KHDRBS2: variants seen among roughly 807,000 people sequenced by gnomAD.
KHDRBS2 encodes KH RNA binding domain containing, signal transduction associated 2.
KHDRBS2 carries 26 observed loss-of-function variants against 44.3 expected under a neutral mutation model. The observed-to-expected ratio is 0.59, with a 90% CI of 0.43 to 0.81. The LOEUF (loss-of-function observed/expected upper bound fraction) is 0.81, where lower values mean the gene tolerates loss of function less well. Among genes scored for constraint, KHDRBS2 ranks in the 40% least tolerant of loss-of-function variants. The probability of loss-of-function intolerance (pLI) is 0.00; values close to 1 mark genes in which losing one functional copy is unlikely to be tolerated. For synonymous variants in KHDRBS2, 194 were observed against 151.1 expected (o/e 1.28, Z -2.08); for missense variants, 476 against 433.1 (o/e 1.10, Z -0.88).
chr6:61,790,407 TAA>T (rs60297993), intron 6 of KHDRBS2, among the ~76,000 whole-genome samples: 20,325 of 139,660 alleles, frequency 0.15, 1,896 homozygotes, highest in South Asian at 0.22. Context: ...ACTTGGGACT[TAA>T]AAAAAAAAAA....
rs181108812 is a variant in KHDRBS2, at chr6:62,039,163, T to C, written c.336+8715A>G. Among the ~76,000 whole-genome samples the C allele has an allele frequency of 2.0e-5, 3 of 151,952 alleles. No individual in the cohort carries two copies. The East Asian group carries it at 5.8e-4, about 29-fold the overall frequency. ...TGAGAAATTATACATGCTCTAGATTTGTTTGCTATACAACTATGGGTGTTT... is the reference window on the plus strand; with the variant it reads ...TGAGAAATTATACATGCTCTAGATTCGTTTGCTATACAACTATGGGTGTTT... On this transcript the variant is annotated intron_variant, in intron 3 of 8. Transcript: ENST00000281156.
At chr6:62,211,817 A>C (rs1829098214) in intron 1 of KHDRBS2, among the ~76,000 whole-genome samples, 1 of 152,184 alleles carries the variant, frequency 6.6e-6, no homozygotes, top group South Asian at 2.1e-4. Context: ...TATATACCCA[A>C]AGGAATATAA....
chr6:61,575,780 G>A, the KHDRBS2 span, among the ~76,000 whole-genome samples: 1 of 152,020 alleles, frequency 6.6e-6, no homozygotes, highest in Non-Finnish European at 1.5e-5. Context: ...GATATAAAAA[G>A]GAACAAAATA....
intron 2 of KHDRBS2, among the ~76,000 whole-genome samples, chr6:62,132,502 G>A (rs1313916396): frequency 1.3e-5 from 2 of 152,136 alleles, no homozygotes; most frequent in Non-Finnish European, 2.9e-5. Context: ...TGACTCAGAT[G>A]CAGCTGAAGT....
chr6:61,655,229 C>T, the KHDRBS2 span, among the ~76,000 whole-genome samples: 15 of 100,108 alleles, frequency 1.5e-4, no homozygotes, highest in Admixed American at 3.1e-4. Flanking sequence ...CATACATACA[C>T]ACACACACAC....
the KHDRBS2 span, among the ~76,000 whole-genome samples, chr6:61,594,697 C>T: frequency 6.6e-6 from 1 of 152,028 alleles, no homozygotes; most frequent in Non-Finnish European, 1.5e-5. Context: ...ACTTTTTGGA[C>T]AATGCTTCCC....
At position 61,848,494 on chromosome 6, in the gene KHDRBS2, T is replaced by TAC. The variant is rs1481436332; in HGVS notation, c.810+46140_810+46141insGT. Among the ~76,000 whole-genome samples, 329 of 50,462 alleles carry TAC rather than the reference T, an allele frequency of 6.5e-3. 22 individuals are homozygous for TAC. Among genetic ancestry groups the TAC allele is most frequent in the South Asian group, 0.012 (17 of 1,402 alleles). 33.1% of individuals were successfully genotyped at this position (50,462 alleles called of 152,430 possible). ...TTATATATATATATATATATATGTA[T>TAC]ATATATATATATATATGTATATATG... On this transcript the variant is annotated intron_variant, in intron 6 of 8. Transcript: ENST00000281156.
the KHDRBS2 span, among the ~76,000 whole-genome samples, chr6:61,655,333 C>T: frequency 5.9e-5 from 9 of 151,968 alleles, no homozygotes; most frequent in African/African-American, 1.9e-4. Context: ...TGGCTCCCTG[C>T]AACCTCCACC....
chr6:61,737,237 A>G (rs188501170), intron 6 of KHDRBS2, among the ~76,000 whole-genome samples: 7 of 152,192 alleles, frequency 4.6e-5, no homozygotes, highest in Admixed American at 4.6e-4. Context: ...TGTTACACAG[A>G]AAATCCCCAG....
At chr6:61,656,100 C>G in the KHDRBS2 span, among the ~76,000 whole-genome samples, 1 of 151,992 alleles carries the variant, frequency 6.6e-6, no homozygotes, top group African/African-American at 2.4e-5. Context: ...TTATGCATTT[C>G]AAAGAGATTT....
intron 4 of KHDRBS2, among the ~76,000 whole-genome samples, chr6:61,974,414 T>A (rs1772072411): frequency 6.6e-6 from 1 of 151,986 alleles, no homozygotes; most frequent in African/African-American, 2.4e-5. Context: ...AAGAGAGGAG[T>A]GCATCAACAT....
At chr6:62,172,358 G>T (rs1009638852) in intron 2 of KHDRBS2, among the ~76,000 whole-genome samples, 12 of 151,800 alleles carry the variant, frequency 7.9e-5, no homozygotes, top group African/African-American at 2.9e-4. Context: ...TATAATAGAA[G>T]GGTTCAATTC....
At chr6:62,091,916 C>T (rs1464717823) in intron 2 of KHDRBS2, among the ~76,000 whole-genome samples, 1 of 152,092 alleles carries the variant, frequency 6.6e-6, no homozygotes, top group African/African-American at 2.4e-5. Context: ...TAATTATTAA[C>T]TACAATTATT....
chr6:61,679,897 G>A (rs1235585531), downstream of KHDRBS2: 3 of 151,852 alleles, frequency 2.0e-5, no homozygotes, highest in Admixed American at 6.6e-5. Context: ...TCTTTCTCAC[G>A]AGAGACATGC....
chr6:61,577,914 C>T, the KHDRBS2 span, among the ~76,000 whole-genome samples: 1 of 152,096 alleles, frequency 6.6e-6, no homozygotes, highest in Non-Finnish European at 1.5e-5. Context: ...GATGATTTCA[C>T]AAAAGTTAAA....
At chr6:61,990,075 C>T (rs1311356347) in intron 3 of KHDRBS2, among the ~76,000 whole-genome samples, 1 of 152,184 alleles carries the variant, frequency 6.6e-6, no homozygotes, top group Non-Finnish European at 1.5e-5. Context: ...GGGTTCCATT[C>T]ATTTTCTTAT....
At chr6:61,999,311 A>C (rs571092717) in intron 3 of KHDRBS2, among the ~76,000 whole-genome samples, 1 of 152,262 alleles carries the variant, frequency 6.6e-6, no homozygotes, top group Admixed American at 6.5e-5. Flanking sequence ...ATTCCTGTAA[A>C]TAAAAATTCT....
At chr6:62,088,085 C>G (rs940853676) in intron 2 of KHDRBS2, among the ~76,000 whole-genome samples, 13 of 152,214 alleles carry the variant, frequency 8.5e-5, no homozygotes, top group African/African-American at 3.1e-4. Context: ...TTCTAGTTAG[C>G]AATTCCTCTA....
At chr6:61,676,291 C>A (rs1195997861), downstream of KHDRBS2, among the ~76,000 whole-genome samples, 1 of 151,786 alleles carries the variant, frequency 6.6e-6, no homozygotes, top group Non-Finnish European at 1.5e-5. Context: ...CTATAAATGT[C>A]TCTGCTATAT....
Sources: gnomAD v4.1 joint callset for allele counts (sites outside exome capture counted in the v4.1 genomes callset) on GRCh38, gnomAD v4.1.1 for gene constraint, MANE v1.5 for transcripts, NCBI Gene and HGNC (gene_info 2026-07-23, HGNC 2026-07-21) for gene names.